RAB27B: variants seen among roughly 807,000 people sequenced by gnomAD.
RAB27B encodes ras-related protein Rab-27B.
In RAB27B, 15 loss-of-function variants were observed where a neutral mutation model predicts 24.6. That is an observed-to-expected ratio of 0.61 (90% CI 0.41 to 0.94). The LOEUF (loss-of-function observed/expected upper bound fraction) is 0.94, where lower values mean the gene tolerates loss of function less well. Ranked by LOEUF, RAB27B falls within the 40% of genes least tolerant of loss-of-function variation. The pLI is 0.00. For missense variants in RAB27B, 261 were observed against 266.8 expected, an observed-to-expected ratio of 0.98 and a Z score of 0.15; for synonymous variants, 105 against 92.5, an observed-to-expected ratio of 1.14 and a Z score of -0.78.
chr18:54,732,720 A>G (rs981143398), intron 2 of RAB27B, among the ~76,000 whole-genome samples: 2 of 152,230 alleles, frequency 1.3e-5, no homozygotes, highest in African/African-American at 2.4e-5. Context: ...AATTTTAAAA[A>G]CAAATATTAG....
chr18:54,789,261 A>T (rs1909179505), intron 2 of RAB27B, among the ~76,000 whole-genome samples: 1 of 152,198 alleles, frequency 6.6e-6, no homozygotes, highest in African/African-American at 2.4e-5. Context: ...TTATTTCTGT[A>T]TTCATACCAT....
rs72926842 is a variant in RAB27B at position 54,892,063 on chromosome 18, G to T, written c.*2650G>T. The T allele has an allele frequency of 1.3e-5, 2 of 151,878 alleles. No homozygotes were observed. The highest frequency in any genetic ancestry group is 4.8e-5 in the African/African-American group (2 of 41,344). The allele number at this position is 151,878 out of a possible 1,614,324, so 9.4% of individuals were successfully genotyped here. Reference sequence around the variant, plus strand: ...TTTCAAATTGTTCTGGTGCCATAAAGTATACAGACTACTTTAAAGATTTCC... The same window carrying T: ...TTTCAAATTGTTCTGGTGCCATAAATTATACAGACTACTTTAAAGATTTCC... On this transcript the variant is annotated 3_prime_UTR_variant, in exon 6 of 6. Coordinates refer to ENST00000262094, the MANE Select transcript of RAB27B (RefSeq NM_004163.4).
upstream of RAB27B, among the ~76,000 whole-genome samples, chr18:54,826,880 T>A (rs529955816): frequency 1.3e-5 from 2 of 152,308 alleles, no homozygotes; most frequent in East Asian, 3.9e-4. Flanking sequence ...GAAAGCCAAA[T>A]GAGATGAAAC....
intron 2 of RAB27B, among the ~76,000 whole-genome samples, chr18:54,778,564 C>T (rs1175569358): frequency 1.3e-5 from 2 of 152,176 alleles, no homozygotes; most frequent in Non-Finnish European, 2.9e-5. Context: ...AGACAATTTG[C>T]TTGGTTCTAG....
intron 2 of RAB27B, 91 bp downstream of exon 2, chr18:54,877,829 C>G: frequency 1.5e-6 from 2 of 1,307,884 alleles, no homozygotes; most frequent in Admixed American, 2.9e-5. Context: ...TGGAGTCTGT[C>G]TTTTGTCACA....
intron 2 of RAB27B, among the ~76,000 whole-genome samples, chr18:54,803,660 A>G (rs1175607488): frequency 6.6e-6 from 1 of 152,184 alleles, no homozygotes; most frequent in African/African-American, 2.4e-5. Context: ...GTAGAGACAA[A>G]TAGAAGTGAA....
chr18:54,820,132 C>G lies in RAB27B; in HGVS notation c.-19-57435C>G, dbSNP rs1025800053. Among the ~76,000 whole-genome samples the G allele has an allele frequency of 3.7e-4, 57 of 152,238 alleles. 1 individual carries two copies. Among genetic ancestry groups the G allele is most frequent in the Admixed American group, 6.5e-4 (10 of 15,292 alleles). ...CGATTTATAATCCTTTGGGTATATA[C>G]CCGGTAATGGGATAGCTGGGTCAAA... is the stretch of plus-strand genomic sequence containing the variant. On this transcript the variant is annotated intron_variant, in intron 2 of 4. Coordinates refer to the RAB27B transcript ENST00000586570.
At chr18:54,815,014 G>T (rs536481265) in intron 2 of RAB27B, among the ~76,000 whole-genome samples, 1 of 152,112 alleles carries the variant, frequency 6.6e-6, no homozygotes, top group South Asian at 2.1e-4. Flanking sequence ...GTCTTTACAG[G>T]CATTTTTTTC....
At chr18:54,798,715 C>A (rs35622834) in intron 2 of RAB27B, among the ~76,000 whole-genome samples, 1 of 152,206 alleles carries the variant, frequency 6.6e-6, no homozygotes, top group Non-Finnish European at 1.5e-5. Flanking sequence ...TCTGAAACTT[C>A]TAAGTTGCTA....
chr18:54,753,509 T>A (rs974421681), intron 2 of RAB27B, among the ~76,000 whole-genome samples: 1 of 152,224 alleles, frequency 6.6e-6, no homozygotes, highest in Non-Finnish European at 1.5e-5. Flanking sequence ...GGTAAACAGA[T>A]TGTAAGCCCA....
At chr18:54,804,208 C>T (rs1909695809) in intron 2 of RAB27B, among the ~76,000 whole-genome samples, 1 of 152,178 alleles carries the variant, frequency 6.6e-6, no homozygotes. Flanking sequence ...GATAAGGAAA[C>T]ATCCAAACTG....
upstream of RAB27B, among the ~76,000 whole-genome samples, chr18:54,826,019 C>T (rs1382620448): frequency 2.0e-5 from 3 of 152,212 alleles, no homozygotes; most frequent in Non-Finnish European, 4.4e-5. Flanking sequence ...TCTGATTTAG[C>T]TTCTTCCAAA....
chr18:54,730,684 C>T (rs145689537), intron 2 of RAB27B, among the ~76,000 whole-genome samples: 169 of 152,164 alleles, frequency 1.1e-3, no homozygotes, highest in African/African-American at 2.6e-3. Flanking sequence ...CTCACTCTCT[C>T]GCTCCCTCTC....
At chr18:54,756,114 G>A (rs368014462) in intron 2 of RAB27B, among the ~76,000 whole-genome samples, 11 of 151,978 alleles carry the variant, frequency 7.2e-5, no homozygotes, top group Admixed American at 4.6e-4. Context: ...TAGTATTATC[G>A]ACCTACTGAA....
At chr18:54,851,159 A>G (rs1300954972) in intron 1 of RAB27B, among the ~76,000 whole-genome samples, 1 of 152,170 alleles carries the variant, frequency 6.6e-6, no homozygotes, top group Non-Finnish European at 1.5e-5. Context: ...CTGTAATAGC[A>G]CCAAATATTT....
chr18:54,834,573 A>G (rs181651678), intron 1 of RAB27B, among the ~76,000 whole-genome samples: 1 of 152,042 alleles, frequency 6.6e-6, no homozygotes, highest in Non-Finnish European at 1.5e-5. Context: ...TTATGTGTCT[A>G]TCCCTCTAGA....
intron 2 of RAB27B, among the ~76,000 whole-genome samples, chr18:54,785,583 T>C (rs1010073388): frequency 5.9e-5 from 9 of 151,924 alleles, no homozygotes; most frequent in Non-Finnish European, 1.0e-4. Context: ...CACAAATTTG[T>C]ATACAGTATA....
intron 1 of RAB27B, among the ~76,000 whole-genome samples, chr18:54,872,809 G>T (rs1303133942): frequency 1.3e-5 from 2 of 152,092 alleles, no homozygotes; most frequent in East Asian, 3.9e-4. Flanking sequence ...CATGACATTT[G>T]CATGGCTGCA....
intron 1 of RAB27B, among the ~76,000 whole-genome samples, chr18:54,853,117 T>C (rs1461967586): frequency 6.6e-6 from 1 of 152,212 alleles, no homozygotes; most frequent in Non-Finnish European, 1.5e-5. Context: ...CTCTTGCATA[T>C]GGTTGATGTT....
Sources: gnomAD v4.1 joint callset for allele counts (sites outside exome capture counted in the v4.1 genomes callset) on GRCh38, gnomAD v4.1.1 for gene constraint, MANE v1.5 for transcripts, NCBI Gene and HGNC (gene_info 2026-07-23, HGNC 2026-07-21) for gene names.